The following DLG2 variants were observed in gnomAD, a reference collection of about 807,000 sequenced individuals.
DLG2 encodes discs large MAGUK scaffold protein 2, also known as disks large homolog 2.
A neutral mutation model predicts 132.5 loss-of-function variants in DLG2; 45 were observed. The observed-to-expected ratio is 0.34, with a 90% CI of 0.27 to 0.44. The LOEUF is 0.44. Among genes scored for constraint, DLG2 ranks in the 20% least tolerant of loss-of-function variants. The pLI, the probability that DLG2 is intolerant of heterozygous loss-of-function variation, is 1.00. For synonymous variants in DLG2, 424 were observed against 419.6 expected (o/e 1.01, Z -0.13); for missense variants, 1,045 against 1,196.9 (o/e 0.87, Z 1.87).
chr11:83,885,156 A>G (rs1180729760), intron 15 of DLG2, among the ~76,000 whole-genome samples: 2 of 152,262 alleles, frequency 1.3e-5, no homozygotes, highest in Non-Finnish European at 2.9e-5. Flanking sequence ...TCCAAGCTAC[A>G]GGAGGAAATT....
chr11:85,392,254 A>G (rs1215519126), intron 3 of DLG2, among the ~76,000 whole-genome samples: 1 of 152,146 alleles, frequency 6.6e-6, no homozygotes, highest in Non-Finnish European at 1.5e-5. Flanking sequence ...CTCTGCAAGG[A>G]AAACTACAAA....
intron 6 of DLG2, among the ~76,000 whole-genome samples, chr11:85,041,812 A>C (rs748956215): frequency 6.6e-6 from 1 of 151,928 alleles, no homozygotes; most frequent in Non-Finnish European, 1.5e-5. Flanking sequence ...TGACATAAGC[A>C]TCTGAGTAAA....
intron 18 of DLG2, among the ~76,000 whole-genome samples, chr11:83,755,196 A>C (rs2093595689): frequency 6.6e-6 from 1 of 151,462 alleles, no homozygotes; most frequent in Non-Finnish European, 1.5e-5. Flanking sequence ...AAACGTAACT[A>C]TAATGAAAAA....
chr11:84,255,117 G>T (rs375169932), intron 7 of DLG2, among the ~76,000 whole-genome samples: 1 of 152,102 alleles, frequency 6.6e-6, no homozygotes, highest in African/African-American at 2.4e-5. Flanking sequence ...GCCTATGAGT[G>T]TGCTCTTCTC....
At chr11:85,025,580 C>T (rs184416933) in intron 6 of DLG2, among the ~76,000 whole-genome samples, 2 of 152,146 alleles carry the variant, frequency 1.3e-5, no homozygotes, top group Admixed American at 6.5e-5. Flanking sequence ...AATTAAAATG[C>T]CTATCATCCC....
At chr11:85,178,795 A>C (rs572462753) in intron 4 of DLG2, among the ~76,000 whole-genome samples, 2 of 152,016 alleles carry the variant, frequency 1.3e-5, no homozygotes, top group Non-Finnish European at 1.5e-5. Flanking sequence ...ATAGCACAAG[A>C]AATCCCCTCA....
At chr11:85,441,679 C>G (rs925751379) in intron 3 of DLG2, among the ~76,000 whole-genome samples, 28 of 152,230 alleles carry the variant, frequency 1.8e-4, no homozygotes, top group African/African-American at 6.7e-4. Flanking sequence ...TTATTGATAG[C>G]ACAAAGTGTG....
intron 6 of DLG2, among the ~76,000 whole-genome samples, chr11:84,700,558 T>C (rs926316193): frequency 1.3e-5 from 2 of 151,676 alleles, no homozygotes; most frequent in Admixed American, 6.6e-5. Context: ...ACATCAAGAA[T>C]GGCATTGTAT....
chr11:84,501,720 TG>T lies in DLG2; in HGVS notation c.519+32849del, dbSNP rs529827278. Among the ~76,000 whole-genome samples, 41 of 152,106 alleles carry T rather than the reference TG, an allele frequency of 2.7e-4. 1 individual carries two copies. In the South Asian group the frequency reaches 4.3e-3, roughly 16 times the overall value. ...ATATAAAGTAGATTATTCTCTATAA[TG>T]AAAAAAAATGGATTAATGTTCTCTA... is the stretch of plus-strand genomic sequence containing the variant. On this transcript the variant is annotated intron_variant, in intron 7 of 27. Transcript: ENST00000376104.
rs1347949376 is a variant in DLG2 at position 84,434,781 on chromosome 11, A to G, written c.519+99789T>C. Reference sequence around the variant, plus strand: ...TGTTTAGGATGGCATTTAGTCTTGCATGTTCCTAATTATTAAGAGCTTTTC... The same window carrying G: ...TGTTTAGGATGGCATTTAGTCTTGCGTGTTCCTAATTATTAAGAGCTTTTC... On this transcript the variant is annotated intron_variant, in intron 7 of 27. Transcript: ENST00000376104. 4.6e-5 allele frequency among the ~76,000 whole-genome samples: 7 copies of G among 152,180 alleles called. No homozygotes were observed. The East Asian group carries it at 1.4e-3, about 29-fold the overall frequency.
intron 6 of DLG2, among the ~76,000 whole-genome samples, chr11:85,049,523 A>G (rs2062687213): frequency 6.6e-6 from 1 of 152,002 alleles, no homozygotes. Context: ...TGTTTAGCAG[A>G]ATCTCTGGCC....
At chr11:83,581,056 C>T (rs975349886) in intron 19 of DLG2, among the ~76,000 whole-genome samples, 4 of 151,454 alleles carry the variant, frequency 2.6e-5, no homozygotes, top group South Asian at 2.1e-4. Context: ...GACAAGTTTG[C>T]GAATTCATGA....
chr11:83,645,707 G>C (rs1032313363), intron 18 of DLG2: 1 of 152,014 alleles, frequency 6.6e-6, no homozygotes, highest in African/African-American at 2.4e-5. Flanking sequence ...GAACCATGAG[G>C]GTGAGGATCA....
intron 6 of DLG2, among the ~76,000 whole-genome samples, chr11:84,965,755 T>C (rs1291277241): frequency 6.6e-6 from 1 of 151,974 alleles, no homozygotes; most frequent in African/African-American, 2.4e-5. Context: ...AAGGAAAATA[T>C]GCTAAGAATC....
chr11:85,242,939 C>T (rs145915255), intron 4 of DLG2, among the ~76,000 whole-genome samples: 63 of 152,054 alleles, frequency 4.1e-4, no homozygotes, highest in African/African-American at 1.5e-3. Context: ...ACTCAAGCCC[C>T]ACACCAAGGA....
chr11:84,297,702 T>C (rs1390145896), intron 7 of DLG2, among the ~76,000 whole-genome samples: 2 of 152,230 alleles, frequency 1.3e-5, no homozygotes, highest in South Asian at 4.1e-4. Context: ...TGGCTTTTTG[T>C]TGAACTTTGA....
intron 6 of DLG2, among the ~76,000 whole-genome samples, chr11:84,691,193 A>G (rs1459961795): frequency 6.6e-6 from 1 of 151,842 alleles, no homozygotes. Context: ...TTGAACTTCC[A>G]TGCTTTTATA....
intron 3 of DLG2, among the ~76,000 whole-genome samples, chr11:85,415,446 C>T (rs1022011060): frequency 2.0e-5 from 3 of 152,170 alleles, no homozygotes; most frequent in Non-Finnish European, 2.9e-5. Flanking sequence ...CTGTCTTCCA[C>T]AATGGTTGAA....
At chr11:84,426,446 C>T (rs149234993) in intron 7 of DLG2, among the ~76,000 whole-genome samples, 1 of 152,274 alleles carries the variant, frequency 6.6e-6, no homozygotes, top group African/African-American at 2.4e-5. Context: ...GACATGCTAA[C>T]TGTGCATCTT....
Sources: gnomAD v4.1 joint callset for allele counts (sites outside exome capture counted in the v4.1 genomes callset) on GRCh38, gnomAD v4.1.1 for gene constraint, MANE v1.5 for transcripts, NCBI Gene and HGNC (gene_info 2026-07-23, HGNC 2026-07-21) for gene names.